The following EPB41L3 variants were observed in gnomAD, a reference collection of about 807,000 sequenced individuals.
The protein encoded by EPB41L3 is erythrocyte membrane protein band 4.1 like 3, also known as band 4.1-like protein 3.
In EPB41L3, 57 loss-of-function variants were observed where a neutral mutation model predicts 127.1. The ratio of observed to expected loss-of-function variants is 0.45; its 90% confidence interval spans 0.36 to 0.56. The LOEUF (loss-of-function observed/expected upper bound fraction) is 0.56. EPB41L3 is among the 20% of genes least tolerant of loss of function. The pLI, the probability that EPB41L3 is intolerant of heterozygous loss-of-function variation, is 0.00. For missense variants in EPB41L3, 1,273 were observed against 1,372.2 expected (o/e 0.93, Z 1.14); for synonymous variants, 572 against 549.5 (o/e 1.04, Z -0.57).
intron 3 of EPB41L3, among the ~76,000 whole-genome samples, chr18:5,561,138 C>A (rs549203814): frequency 1.3e-5 from 2 of 150,888 alleles, no homozygotes; most frequent in Non-Finnish European, 3.0e-5. Context: ...CCACTACGCC[C>A]GGCTAATGTC....
At chr18:5,451,240 A>G (rs1001820058) in intron 3 of EPB41L3, among the ~76,000 whole-genome samples, 8 of 152,322 alleles carry the variant, frequency 5.3e-5, no homozygotes, top group Non-Finnish European at 1.0e-4. Context: ...TTGGCTCCCT[A>G]GCATCACCCA....
rs1568583769 is a variant in EPB41L3 at position 5,566,747 on chromosome 18, CTATTCTATTCT to C, written c.-306+45582_-306+45592del. On this transcript the variant is annotated intron_variant, in intron 3 of 21. Transcript: ENST00000545076. ...CCATTCTATTCTATTCTATTCTATT[CTATTCTATTCT>C]ATTCTATTCTATTCTATTCTATTCT... Among the ~76,000 whole-genome samples the C allele has an allele frequency of 6.7e-5, 9 of 133,634 alleles. 1 individual carries two copies. The East Asian group carries it at 2.1e-3, about 31-fold the overall frequency. 87.7% of individuals were successfully genotyped at this position (133,634 alleles called of 152,430 possible).
At chr18:5,560,963 ATTTATTTATTTATTT>A (rs1408297578) in intron 3 of EPB41L3, among the ~76,000 whole-genome samples, 1 of 142,150 alleles carries the variant, frequency 7.0e-6, no homozygotes, top group African/African-American at 2.6e-5. Context: ...TTATTTATTT[ATTTATTTATTTATTT>A]ATTTATTTAT....
upstream of EPB41L3, among the ~76,000 whole-genome samples, chr18:5,548,399 T>A (rs1184392403): frequency 1.3e-5 from 2 of 152,192 alleles, no homozygotes; most frequent in Non-Finnish European, 2.9e-5. Flanking sequence ...CAAAACGAAA[T>A]AAAGTATTGA....
chr18:5,531,186 G>A (rs920995542), intron 1 of EPB41L3, among the ~76,000 whole-genome samples: 8 of 152,338 alleles, frequency 5.3e-5, no homozygotes, highest in Admixed American at 3.9e-4. Context: ...ATGAGTGTAT[G>A]TTTCTGAGAG....
chr18:5,615,204 T>G (rs1407778229), intron 1 of EPB41L3, among the ~76,000 whole-genome samples: 1 of 151,694 alleles, frequency 6.6e-6, no homozygotes, highest in East Asian at 1.9e-4. Flanking sequence ...AATTCAGACT[T>G]TTTTTTTAAA....
chr18:5,422,891 T>C (rs541670489), intron 11 of EPB41L3, among the ~76,000 whole-genome samples: 1 of 152,346 alleles, frequency 6.6e-6, no homozygotes, highest in South Asian at 2.1e-4. Context: ...CTGTGCTCTG[T>C]TATTTGAATG....
intron 3 of EPB41L3, among the ~76,000 whole-genome samples, chr18:5,597,598 C>T (rs185574835): frequency 6.6e-6 from 1 of 152,160 alleles, no homozygotes; most frequent in African/African-American, 2.4e-5. Context: ...CAATATAAAA[C>T]CCACCTTTGT....
chr18:5,597,358 C>G (rs2094547066), intron 3 of EPB41L3, among the ~76,000 whole-genome samples: 1 of 152,174 alleles, frequency 6.6e-6, no homozygotes, highest in South Asian at 2.1e-4. Context: ...CCCTTAGGAG[C>G]AGCCTCCAGT....
At chr18:5,618,265 T>C (rs898238761) in intron 1 of EPB41L3, among the ~76,000 whole-genome samples, 1 of 152,228 alleles carries the variant, frequency 6.6e-6, no homozygotes, top group Non-Finnish European at 1.5e-5. Flanking sequence ...AAAAGAAGCA[T>C]TCCTATGCTC....
At chr18:5,450,535 A>G (rs1232861696) in intron 3 of EPB41L3, among the ~76,000 whole-genome samples, 1 of 152,098 alleles carries the variant, frequency 6.6e-6, no homozygotes, top group Non-Finnish European at 1.5e-5. Flanking sequence ...GTTTTTCTAT[A>G]AACCTAAAAC....
chr18:5,487,413 T>C (rs2089943214), intron 2 of EPB41L3, among the ~76,000 whole-genome samples: 1 of 149,788 alleles, frequency 6.7e-6, no homozygotes, highest in Non-Finnish European at 1.5e-5. Context: ...ATATTTTTTA[T>C]ATAAAAATAT....
intron 13 of EPB41L3, among the ~76,000 whole-genome samples, chr18:5,415,368 T>A (rs1339684310): frequency 6.6e-6 from 1 of 152,238 alleles, no homozygotes; most frequent in Non-Finnish European, 1.5e-5. Context: ...TTTAGAAAGC[T>A]ACCCAGGTGA....
chr18:5,584,945 G>C (rs2143341095), intron 3 of EPB41L3, among the ~76,000 whole-genome samples: 1 of 152,340 alleles, frequency 6.6e-6, no homozygotes, highest in Admixed American at 6.5e-5. Context: ...TTGCAGGACT[G>C]TGTGACTCTT....
At chr18:5,494,844 G>C (rs2090993568) in intron 1 of EPB41L3, among the ~76,000 whole-genome samples, 1 of 152,152 alleles carries the variant, frequency 6.6e-6, no homozygotes, top group African/African-American at 2.4e-5. Flanking sequence ...GTGAGGAAAA[G>C]GGATTGAGAG....
At chr18:5,559,440 G>A (rs1330915340) in intron 3 of EPB41L3, among the ~76,000 whole-genome samples, 1 of 152,142 alleles carries the variant, frequency 6.6e-6, no homozygotes, top group African/African-American at 2.4e-5. Context: ...AGCCACTAGA[G>A]ATAGGATGCT....
At chr18:5,539,196 G>C (rs1280535532) in intron 1 of EPB41L3, among the ~76,000 whole-genome samples, 1 of 151,566 alleles carries the variant, frequency 6.6e-6, no homozygotes, top group Non-Finnish European at 1.5e-5. Flanking sequence ...ATATACTCAA[G>C]GCAGGTTAAA....
chr18:5,541,638 T>TA (rs1023618801), intron 1 of EPB41L3, among the ~76,000 whole-genome samples: 4 of 151,322 alleles, frequency 2.6e-5, no homozygotes, highest in African/African-American at 4.8e-5. Context: ...CCGATCAAGT[T>TA]AAAAAAAATC....
chr18:5,437,469 T>A (rs2080029428), intron 6 of EPB41L3, among the ~76,000 whole-genome samples: 1 of 152,206 alleles, frequency 6.6e-6, no homozygotes, highest in Non-Finnish European at 1.5e-5. Flanking sequence ...CAGCCCAGAC[T>A]AAGACATCCA....
Sources: allele counts gnomAD v4.1 joint callset (sites outside exome capture counted in the v4.1 genomes callset), GRCh38; gene constraint gnomAD v4.1.1; transcripts MANE v1.5; gene names NCBI Gene and HGNC (gene_info 2026-07-23, HGNC 2026-07-21).